Variants in GPR160 observed in about 807,000 individuals in gnomAD.
The protein encoded by GPR160 is probable G protein-coupled receptor 160.
A neutral mutation model predicts 2.6 loss-of-function variants in GPR160; 2 were observed. That is an observed-to-expected ratio of 0.77 (90% CI 0.32 to 2.44). The LOEUF is 2.44. Ranked by LOEUF, GPR160 falls within the 30% of genes most tolerant of loss-of-function variation. GPR160 has a pLI of 0.11. For synonymous variants in GPR160, 130 were observed against 132.2 expected (o/e 0.98, Z 0.12); for missense variants, 351 against 383.6 (o/e 0.91, Z 0.71).
chr3:170,066,203 C>T (rs554449182), intron 2 of GPR160, among the ~76,000 whole-genome samples: 2 of 127,336 alleles, frequency 1.6e-5, no homozygotes, highest in East Asian at 4.8e-4. Context: ...TCCAGTGGCA[C>T]GATCTCGGCT....
intron 2 of GPR160, among the ~76,000 whole-genome samples, chr3:170,045,447 A>AAAAAAAAC (rs71176546): frequency 2.6e-5 from 3 of 117,428 alleles, no homozygotes; most frequent in Non-Finnish European, 3.4e-5. Context: ...AAAAAAAAAA[A>AAAAAAAAC]CCAATTAGCC....
chr3:170,053,879 A>G (rs746058218), intron 2 of GPR160, among the ~76,000 whole-genome samples: 6 of 151,930 alleles, frequency 3.9e-5, no homozygotes, highest in Non-Finnish European at 7.4e-5. Context: ...AGTAATGTGA[A>G]TATATTTATT....
At chr3:170,081,989 G>A (rs1713156269) in intron 3 of GPR160, among the ~76,000 whole-genome samples, 1 of 152,130 alleles carries the variant, frequency 6.6e-6, no homozygotes, top group African/African-American at 2.4e-5. Flanking sequence ...TATTTGGGTT[G>A]ATTCCATGTT....
intron 2 of GPR160, among the ~76,000 whole-genome samples, chr3:170,044,280 C>T (rs537486967): frequency 1.1e-4 from 14 of 129,844 alleles, no homozygotes; most frequent in Non-Finnish European, 2.0e-4. Context: ...GCCGAGATCA[C>T]GCCATTGCAC....
chr3:170,048,021 G>T (rs1013929224), intron 2 of GPR160, among the ~76,000 whole-genome samples: 1 of 151,972 alleles, frequency 6.6e-6, no homozygotes. Flanking sequence ...TAGCGACAGG[G>T]TTTCACCACG....
At chr3:170,069,209 G>C (rs1022359555) in intron 2 of GPR160, among the ~76,000 whole-genome samples, 5 of 152,230 alleles carry the variant, frequency 3.3e-5, no homozygotes, top group Non-Finnish European at 7.3e-5. Flanking sequence ...CACTGAGTCA[G>C]GGAAGAGATC....
chr3:170,071,816 A>T (rs1027166162), intron 2 of GPR160, among the ~76,000 whole-genome samples: 3 of 152,162 alleles, frequency 2.0e-5, no homozygotes, highest in Admixed American at 2.0e-4. Context: ...ATACCTCTTT[A>T]TAAATTAATT....
At chr3:170,076,960 A>C (rs1204162027) in intron 2 of GPR160, among the ~76,000 whole-genome samples, 1 of 152,340 alleles carries the variant, frequency 6.6e-6, no homozygotes, top group African/African-American at 2.4e-5. Flanking sequence ...TTGAGGTTGA[A>C]CTTTAGCTCC....
chr3:170,062,127 AGGTG>A (rs1467989840), intron 2 of GPR160: 1 of 152,398 alleles, frequency 6.6e-6, no homozygotes, highest in African/African-American at 2.4e-5. Context: ...AATTTTCCTG[AGGTG>A]GGTGTGTCGG....
At chr3:170,069,122 G>A (rs993600911) in intron 2 of GPR160, among the ~76,000 whole-genome samples, 5 of 152,150 alleles carry the variant, frequency 3.3e-5, no homozygotes, top group African/African-American at 4.8e-5. Flanking sequence ...TCTGCCTACC[G>A]TCCAAAGATT....
At chr3:170,045,087 T>G (rs775302237) in intron 2 of GPR160, among the ~76,000 whole-genome samples, 29 of 152,158 alleles carry the variant, frequency 1.9e-4, no homozygotes, top group Non-Finnish European at 4.1e-4. Flanking sequence ...TCTTCCCATG[T>G]ACGTGTGCCG....
At chr3:170,058,861 A>G (rs1427033261) in intron 2 of GPR160, among the ~76,000 whole-genome samples, 2 of 152,242 alleles carry the variant, frequency 1.3e-5, no homozygotes, top group Non-Finnish European at 2.9e-5. Context: ...ATGCAGCCAT[A>G]AAAACAATTT....
intron 2 of GPR160, among the ~76,000 whole-genome samples, chr3:170,079,287 G>A (rs193142516): frequency 5.3e-5 from 8 of 152,248 alleles, no homozygotes; most frequent in Admixed American, 2.0e-4. Flanking sequence ...GGACAGACCC[G>A]GCATAGATGA....
intron 2 of GPR160, among the ~76,000 whole-genome samples, chr3:170,053,664 T>C (rs1711507924): frequency 6.6e-6 from 1 of 152,224 alleles, no homozygotes; most frequent in Admixed American, 6.5e-5. Context: ...CCTTACCTTG[T>C]TTCCAATTTT....
intron 2 of GPR160, among the ~76,000 whole-genome samples, chr3:170,040,587 G>A (rs1009240731): frequency 2.6e-5 from 4 of 152,144 alleles, no homozygotes; most frequent in Admixed American, 2.0e-4. Context: ...GCCTCCGGTC[G>A]GGCGGATTGT....
chr3:170,052,697 A>G (rs966181807), intron 2 of GPR160, among the ~76,000 whole-genome samples: 1 of 152,112 alleles, frequency 6.6e-6, no homozygotes, highest in Admixed American at 6.5e-5. Flanking sequence ...TTGCCTTTTC[A>G]TTTTCTTATG....
At chr3:170,046,208 A>T (rs1391886727) in intron 2 of GPR160, among the ~76,000 whole-genome samples, 1 of 152,178 alleles carries the variant, frequency 6.6e-6, no homozygotes, top group Non-Finnish European at 1.5e-5. Flanking sequence ...CCTTAGGGAA[A>T]TGTTCTCCAT....
At chr3:170,071,370 C>T (rs546857393) in intron 2 of GPR160, among the ~76,000 whole-genome samples, 3 of 152,294 alleles carry the variant, frequency 2.0e-5, no homozygotes, top group South Asian at 2.1e-4. Context: ...CTCCTGCTCT[C>T]GCCATGTGAG....
intron 2 of GPR160, among the ~76,000 whole-genome samples, chr3:170,064,514 C>CTTTTTTTTTTTTTTTTTTTTT (rs1175382810): frequency 6.2e-5 from 5 of 81,048 alleles, no homozygotes; most frequent in Admixed American, 1.7e-4. Context: ...CTTTTCTTTT[C>CTTTTTTTTTTTTTTTTTTTTT]TTTTTTTTTT....
Sources: gnomAD v4.1 joint callset for allele counts (sites outside exome capture counted in the v4.1 genomes callset) on GRCh38, gnomAD v4.1.1 for gene constraint, MANE v1.5 for transcripts, NCBI Gene and HGNC (gene_info 2026-07-23, HGNC 2026-07-21) for gene names.